FGFR2: variants seen among roughly 807,000 people sequenced by gnomAD.
FGFR2 encodes the protein BEK fibroblast growth factor receptor.
Under a neutral mutation model 95.9 loss-of-function variants are expected in FGFR2, and 19 were observed. That is an observed-to-expected ratio of 0.20 (90% CI 0.14 to 0.29). The LOEUF (loss-of-function observed/expected upper bound fraction) is 0.29. FGFR2 is among the 10% of genes least tolerant of loss of function. FGFR2 has a pLI of 1.00. For synonymous variants in FGFR2, 392 were observed against 393.3 expected (o/e 1.00, Z 0.04); for missense variants, 707 against 1,056.9 (o/e 0.67, Z 4.59).
intron 11 of FGFR2, among the ~76,000 whole-genome samples, chr10:121,499,775 A>C (rs1232360884): frequency 6.6e-6 from 1 of 152,262 alleles, no homozygotes; most frequent in African/African-American, 2.4e-5. Flanking sequence ...AAGACAGCAC[A>C]GTGTTCCTCC....
intron 13 of FGFR2, among the ~76,000 whole-genome samples, chr10:121,493,110 C>A (rs1456253063): frequency 6.6e-6 from 1 of 152,152 alleles, no homozygotes; most frequent in Non-Finnish European, 1.5e-5. Context: ...TCATCGTCCT[C>A]CCCCATACAA....
At chr10:121,480,477 T>C in intron 17 of FGFR2, 1 of 276,454 alleles carries the variant, frequency 3.6e-6, no homozygotes, top group Non-Finnish European at 7.0e-6. Context: ...TAACATGTTG[T>C]GGGTCCCCAG....
chr10:121,490,046 C>A (rs193070467), intron 13 of FGFR2, among the ~76,000 whole-genome samples: 2 of 152,178 alleles, frequency 1.3e-5, no homozygotes, highest in African/African-American at 4.8e-5. Context: ...GCCACATACA[C>A]TGATTCTAAA....
intron 2 of FGFR2, among the ~76,000 whole-genome samples, chr10:121,575,252 G>A (rs1332890776): frequency 6.6e-6 from 1 of 152,172 alleles, no homozygotes; most frequent in Non-Finnish European, 1.5e-5. Flanking sequence ...AGAGTAAAGA[G>A]CCTAAGAATG....
At chr10:121,556,294 T>C (rs550076545) in intron 4 of FGFR2, among the ~76,000 whole-genome samples, 1 of 152,174 alleles carries the variant, frequency 6.6e-6, no homozygotes, top group East Asian at 1.9e-4. Flanking sequence ...GTGATTTCTT[T>C]TGACCCTGCA....
At chr10:121,546,913 T>G (rs1049496480) in intron 5 of FGFR2, among the ~76,000 whole-genome samples, 14 of 152,336 alleles carry the variant, frequency 9.2e-5, no homozygotes, top group Middle Eastern at 3.4e-3. Flanking sequence ...ACTTGACATT[T>G]TGCTTCTTCA....
chr10:121,491,459 T>C (rs1233133821), intron 13 of FGFR2, among the ~76,000 whole-genome samples: 1 of 152,192 alleles, frequency 6.6e-6, no homozygotes, highest in Non-Finnish European at 1.5e-5. Context: ...AACATCCCTA[T>C]GATGTAGACA....
chr10:121,567,216 G>A (rs1857804046), intron 2 of FGFR2, among the ~76,000 whole-genome samples: 1 of 152,140 alleles, frequency 6.6e-6, no homozygotes, highest in African/African-American at 2.4e-5. Flanking sequence ...ATGCATTGGG[G>A]ACAAGAAATC....
At chr10:121,572,359 G>T (rs1429066301) in intron 2 of FGFR2, among the ~76,000 whole-genome samples, 1 of 152,052 alleles carries the variant, frequency 6.6e-6, no homozygotes, top group African/African-American at 2.4e-5. Context: ...AGTGGCTCAT[G>T]CCTGTAATTT....
At position 121,488,026 on chromosome 10, in the gene FGFR2, T is replaced by C. The variant is rs1845646473; in HGVS notation, c.1951A>G (p.Ile651Val). The C allele has an allele frequency of 6.2e-7, 1 of 1,614,198 alleles. No individual in the cohort carries two copies. The highest frequency in any genetic ancestry group is 8.5e-7 in the Non-Finnish European group (1 of 1,180,028). ...KIADFGLARD[I>V]NNIDYYKKTT... The stretch of plus-strand genomic sequence containing the variant: ...TTTTTGTAATAGTCTATATTGTTGA[T>C]ATCTCTGGCGAGTCCAAAGTCTGCT... Residue 651 changes from isoleucine (I) to valine (V), a missense_variant, in exon 14 of 18, where the codon ATC (isoleucine) becomes GTC (valine). Around this residue, in one of 7 missense-constraint regions of FGFR2, gnomAD observed 104 missense variants for 214.2 expected, o/e 0.49. Coordinates refer to ENST00000358487, the MANE Select transcript of FGFR2 (RefSeq NM_000141.5).
At chr10:121,534,478 C>T (rs976070815) in intron 6 of FGFR2, among the ~76,000 whole-genome samples, 4 of 152,010 alleles carry the variant, frequency 2.6e-5, no homozygotes, top group Non-Finnish European at 5.9e-5. Context: ...TCACTACCAC[C>T]TCCACCTCCC....
At chr10:121,480,490 C>A (rs778428468) in intron 17 of FGFR2, 1 of 265,006 alleles carries the variant, frequency 3.8e-6, no homozygotes, top group Non-Finnish European at 7.3e-6. Flanking sequence ...GTCCCCAGAC[C>A]CCCTTTAAGT....
intron 7 of FGFR2, among the ~76,000 whole-genome samples, chr10:121,519,521 A>C (rs1159361056): frequency 2.0e-5 from 3 of 152,208 alleles, no homozygotes; most frequent in African/African-American, 7.2e-5. Flanking sequence ...GTGGCTACTA[A>C]AATTGGATCC....
In FGFR2 at chr10:121,518,569, A is replaced by G; in HGVS notation, c.940-1106T>C. ...AAGAAAGATTATTATAAATATACCA[A>G]GGCCACAAGAGTTATCCTATAAGCT... is the stretch of plus-strand genomic sequence containing the variant. On this transcript the variant is annotated intron_variant, in intron 7 of 17. Transcript: ENST00000358487. This position sits in a 1 kb window ranked among gnomAD's most constrained non-coding sequence, Gnocchi z 4.0. The G allele has an allele frequency of 8.5e-7, 1 of 1,174,760 alleles. No homozygotes were observed. 72.8% of individuals were successfully genotyped at this position (1,174,760 alleles called of 1,614,324 possible). A position where few individuals can be genotyped will look rare whatever the true frequency, so the allele number is the denominator to read the frequency against.
chr10:121,489,570 C>T (rs890038967), intron 13 of FGFR2, among the ~76,000 whole-genome samples: 43 of 152,192 alleles, frequency 2.8e-4, no homozygotes, highest in Non-Finnish European at 2.9e-5. Flanking sequence ...TTCGTATCTC[C>T]ATCATGACCT....
In FGFR2 at chr10:121,533,015, C is replaced by T. The variant is rs1292619806; in HGVS notation, c.748+5577G>A. 2.6e-5 allele frequency among the ~76,000 whole-genome samples: 4 copies of T among 152,324 alleles called. No homozygotes were observed. The East Asian group carries it at 5.8e-4, about 22-fold the overall frequency. ...GTGACATGCGGCCTCTGATGGGCCC[C>T]CAAACAACAACTGCCTGCTGCTTAC... is the stretch of plus-strand genomic sequence containing the variant. On this transcript the variant is annotated intron_variant, in intron 6 of 17. Coordinates refer to ENST00000358487, the MANE Select transcript of FGFR2 (RefSeq NM_000141.5).
At chr10:121,490,143 G>A (rs988472440) in intron 13 of FGFR2, among the ~76,000 whole-genome samples, 9 of 145,694 alleles carry the variant, frequency 6.2e-5, no homozygotes, top group Admixed American at 1.4e-4. Context: ...TAGCTATTAC[G>A]ACTTTTCCTT....
intron 16 of FGFR2, among the ~76,000 whole-genome samples, chr10:121,484,180 G>A (rs746234108): frequency 1.3e-5 from 2 of 152,038 alleles, no homozygotes; most frequent in Non-Finnish European, 2.9e-5. Flanking sequence ...CTGACACCCT[G>A]CCCAGCACCA....
At chr10:121,491,768 G>A (rs1349066934) in intron 13 of FGFR2, among the ~76,000 whole-genome samples, 4 of 151,932 alleles carry the variant, frequency 2.6e-5, no homozygotes, top group African/African-American at 9.7e-5. Flanking sequence ...TACTTGGGAG[G>A]CTGAGGCAGG....
Sources: gnomAD v4.1 joint callset for allele counts (sites outside exome capture counted in the v4.1 genomes callset) on GRCh38, gnomAD v4.1.1 for gene constraint, gnomAD v4.1.1 regional missense constraint, Gnocchi (gnomAD v3.1) non-coding constraint, MANE v1.5 for transcripts, NCBI Gene and HGNC (gene_info 2026-07-23, HGNC 2026-07-21) for gene names.